Variants in TMOD1 observed in about 807,000 individuals in gnomAD.
The protein encoded by TMOD1 is tropomodulin-1.
In TMOD1, 17 loss-of-function variants were observed where a neutral mutation model predicts 40.6. The ratio of observed to expected loss-of-function variants is 0.42; its 90% CI spans 0.29 to 0.63. TMOD1 has a LOEUF of 0.63. Among genes scored for constraint, TMOD1 ranks in the 20% least tolerant of loss-of-function variants. The pLI is 0.22. For missense variants in TMOD1, 391 were observed against 447.6 expected (o/e 0.87, Z 1.14); for synonymous variants, 181 against 175.0 (o/e 1.03, Z -0.27).
intron 4 of TMOD1, chr9:97,555,759 T>C: frequency 7.2e-7 from 1 of 1,379,616 alleles, no homozygotes; most frequent in Non-Finnish European, 1.0e-6. Context: ...AAAACAATCC[T>C]ATGAAGGAAA....
intron 7 of TMOD1, among the ~76,000 whole-genome samples, chr9:97,566,379 C>T (rs970477120): frequency 6.6e-6 from 1 of 152,136 alleles, no homozygotes; most frequent in African/African-American, 2.4e-5. Context: ...TCTCTAAAAT[C>T]AATGGTTTTG....
At chr9:97,563,972 C>G in intron 5 of TMOD1, 66 bp from the exon 6 acceptor site, 2 of 1,515,536 alleles carry the variant, frequency 1.3e-6, no homozygotes, top group South Asian at 2.4e-5. Context: ...TCCACAGTAT[C>G]TTTGTGTTGG....
At chr9:97,573,280 G>C (rs761466737) in intron 8 of TMOD1, among the ~76,000 whole-genome samples, 2 of 152,230 alleles carry the variant, frequency 1.3e-5, no homozygotes, top group Admixed American at 6.5e-5. Context: ...CCCCAGGCCA[G>C]ACAAGGCCTG....
intron 9 of TMOD1, among the ~76,000 whole-genome samples, chr9:97,599,259 C>T (rs1217285979): frequency 6.6e-6 from 1 of 152,154 alleles, no homozygotes; most frequent in Non-Finnish European, 1.5e-5. Flanking sequence ...GGAAATGTTT[C>T]CACCTGGTTA....
intron 2 of TMOD1, among the ~76,000 whole-genome samples, chr9:97,541,642 A>C (rs1830277757): frequency 6.9e-6 from 1 of 144,842 alleles, no homozygotes; most frequent in African/African-American, 2.6e-5. Flanking sequence ...CAGCCTCCTG[A>C]GTAGCTGGGA....
At chr9:97,589,136 G>C (rs934766342) in intron 8 of TMOD1, among the ~76,000 whole-genome samples, 1 of 143,158 alleles carries the variant, frequency 7.0e-6, no homozygotes, top group East Asian at 2.0e-4. Flanking sequence ...AAAAAAAAAA[G>C]AAGAAGAATT....
At chr9:97,584,595 G>A (rs2131285446) in intron 8 of TMOD1, among the ~76,000 whole-genome samples, 1 of 152,312 alleles carries the variant, frequency 6.6e-6, no homozygotes, top group South Asian at 2.1e-4. Flanking sequence ...AATGTTGACA[G>A]TGGGGTGTTA....
intron 2 of TMOD1, among the ~76,000 whole-genome samples, chr9:97,538,298 C>T (rs963633471): frequency 2.0e-5 from 3 of 152,036 alleles, no homozygotes; most frequent in Non-Finnish European, 4.4e-5. Context: ...AGCAAATTTC[C>T]AATTGTTAAA....
rs1034564761 is a variant in TMOD1 at position 97,601,420 on chromosome 9, A to G, written c.*1722A>G. On this transcript the variant is annotated 3_prime_UTR_variant, in exon 10 of 10. Transcript: ENST00000259365. ...CTGTGGCTCAAATGTCACCGAGCTT[A>G]TATGAAGCTCCCAGAGAGAACATTT... The G allele has an allele frequency of 6.7e-6, 7 of 1,038,270 alleles. No individual in the cohort carries two copies. Among genetic ancestry groups the G allele is most frequent in the African/African-American group, 5.2e-5 (3 of 58,244 alleles). 64.3% of individuals were successfully genotyped at this position (1,038,270 alleles called of 1,614,324 possible).
In TMOD1 at chr9:97,587,982, T is replaced by TTG. The variant is rs1371984033; in HGVS notation, c.871-3303_871-3302dup. 7.2e-5 allele frequency among the ~76,000 whole-genome samples: 11 copies of TTG among 152,370 alleles called. No individual in the cohort carries two copies. The South Asian group carries it at 2.3e-3, about 32-fold the overall frequency. ...TACTCCACTGTAAGGATCTACCACG[T>TTG]TGTGTGTATCCATTCATCAGATGAT... On this transcript the variant is annotated intron_variant, in intron 8 of 9. Transcript: ENST00000259365.
At position 97,565,782 on chromosome 9, in the gene TMOD1, C is replaced by G. The variant is rs533971108; in HGVS notation, c.619-66C>G. 7 of 1,282,820 alleles carry G rather than the reference C, an allele frequency of 5.5e-6. No individual in the cohort carries two copies. In the East Asian group the frequency reaches 1.7e-4, roughly 30 times the overall value. The allele number at this position is 1,282,820 out of a possible 1,614,324, so 79.5% of individuals were successfully genotyped here. On this transcript the variant is annotated intron_variant, in intron 6 of 9. Coordinates refer to ENST00000259365, the MANE Select transcript of TMOD1 (RefSeq NM_003275.4). ...GGAATCAGAGAGTAGCCAGGCTAAT[C>G]CACCTGCCTCAGCCTGTCCCAGAGG... is the stretch of plus-strand genomic sequence containing the variant.
At chr9:97,531,043 C>A (rs1035059482) in intron 2 of TMOD1, among the ~76,000 whole-genome samples, 1 of 138,432 alleles carries the variant, frequency 7.2e-6, no homozygotes, top group Non-Finnish European at 1.6e-5. Flanking sequence ...ACCCACCCCC[C>A]CCACCACCCC....
At chr9:97,528,593 T>C (rs1377375965) in intron 2 of TMOD1, among the ~76,000 whole-genome samples, 1 of 152,212 alleles carries the variant, frequency 6.6e-6, no homozygotes, top group African/African-American at 2.4e-5. Flanking sequence ...CCTCCCTTCT[T>C]TTGGAGAGCA....
intron 2 of TMOD1, among the ~76,000 whole-genome samples, chr9:97,538,861 C>T (rs567333070): frequency 8.6e-5 from 13 of 151,748 alleles, no homozygotes; most frequent in African/African-American, 2.9e-4. Flanking sequence ...AAAAATTAGC[C>T]GGGCATGGTG....
At chr9:97,593,544 A>G (rs1344761895) in intron 9 of TMOD1, among the ~76,000 whole-genome samples, 1 of 152,136 alleles carries the variant, frequency 6.6e-6, no homozygotes, top group Non-Finnish European at 1.5e-5. Flanking sequence ...TTGTGTGCCT[A>G]GGACTGTGCT....
chr9:97,511,065 C>T (rs72751504), intron 1 of TMOD1, among the ~76,000 whole-genome samples: 22,347 of 139,170 alleles, frequency 0.16, 1,843 homozygotes, highest in East Asian at 0.21. Context: ...CATGCACCCG[C>T]GCGCGCACAC....
intron 2 of TMOD1, among the ~76,000 whole-genome samples, chr9:97,534,245 G>A (rs557818666): frequency 1.3e-5 from 2 of 152,192 alleles, no homozygotes; most frequent in South Asian, 4.1e-4. Flanking sequence ...TGCTAAAGAA[G>A]GGGAAGCTTG....
chr9:97,561,001 G>A (rs1183059797), intron 4 of TMOD1, among the ~76,000 whole-genome samples: 1 of 152,212 alleles, frequency 6.6e-6, no homozygotes, highest in East Asian at 1.9e-4. Flanking sequence ...AGAAGCTGTT[G>A]GGAGGGGGAG....
In TMOD1 at chr9:97,594,783, GC is replaced by G. The variant is rs1212449279; in HGVS notation, c.1015+3349del. The stretch of plus-strand genomic sequence containing the variant: ...AGGAGCCGAGCTGTGGATCCCATCT[GC>G]GTTTTCCCACAGCAATACCTCAGAT... On this transcript the variant is annotated intron_variant, in intron 9 of 9. Coordinates refer to ENST00000259365, the MANE Select transcript of TMOD1 (RefSeq NM_003275.4). Among the ~76,000 whole-genome samples, 3 of 152,224 alleles carry G rather than the reference GC, an allele frequency of 2.0e-5. No individual in the cohort carries two copies. The East Asian group carries it at 5.8e-4, about 29-fold the overall frequency.
Sources: gnomAD v4.1 joint callset for allele counts (sites outside exome capture counted in the v4.1 genomes callset) on GRCh38, gnomAD v4.1.1 for gene constraint, MANE v1.5 for transcripts, NCBI Gene and HGNC (gene_info 2026-07-23, HGNC 2026-07-21) for gene names.